The following AASS variants were observed in gnomAD, a reference collection of about 807,000 sequenced individuals.
The protein encoded by AASS is aminoadipate-semialdehyde synthase, also known as alpha-aminoadipic semialdehyde synthase, mitochondrial.
Under a neutral mutation model 105.4 loss-of-function variants are expected in AASS, and 86 were observed. The ratio of observed to expected loss-of-function variants is 0.82; its 90% CI spans 0.69 to 0.98. AASS has a LOEUF of 0.98. Among genes scored for constraint, AASS ranks in the 50% least tolerant of loss-of-function variants. The pLI, the probability that AASS is intolerant of heterozygous loss-of-function variation, is 0.00. For synonymous variants in AASS, 381 were observed against 394.8 expected, an observed-to-expected ratio of 0.96 and a Z score of 0.41; for missense variants, 1,048 against 1,143.2, an observed-to-expected ratio of 0.92 and a Z score of 1.20.
chr7:122,113,452 TG>T (rs1795024872), intron 10 of AASS, 145 bp downstream of exon 10: 9 of 1,081,248 alleles, frequency 8.3e-6, no homozygotes, highest in Non-Finnish European at 1.2e-5. Flanking sequence ...CAAATGTGCA[TG>T]TTTTTTTCCC....
In AASS at chr7:122,079,500, A is replaced by G. The variant is rs569260877; in HGVS notation, c.2396+97T>C. 1,956 of 1,132,532 alleles carry G rather than the reference A, an allele frequency of 1.7e-3. 7 individuals carry two copies. The highest frequency in any genetic ancestry group is 3.6e-3 in the South Asian group (276 of 76,570). 70.2% of individuals were successfully genotyped at this position (1,132,532 alleles called of 1,614,324 possible). On this transcript the variant is annotated intron_variant, in intron 21 of 23. Coordinates refer to ENST00000417368, the MANE Select transcript of AASS (RefSeq NM_005763.4). ...CTACCCACATTAGAGCAACGAATTA[A>G]TCAAAGACAAATGTAAAATATTTAA... is the stretch of plus-strand genomic sequence containing the variant.
intron 17 of AASS, among the ~76,000 whole-genome samples, chr7:122,092,352 T>C (rs1372295252): frequency 2.0e-5 from 3 of 152,170 alleles, no homozygotes; most frequent in Non-Finnish European, 4.4e-5. Context: ...TTCAAGGTAG[T>C]CTAAAATTTG....
intron 18 of AASS, among the ~76,000 whole-genome samples, chr7:122,087,529 T>G (rs1239004476): frequency 6.6e-6 from 1 of 152,162 alleles, no homozygotes; most frequent in Non-Finnish European, 1.5e-5. Flanking sequence ...TAAAACCAGT[T>G]TATTTAATAG....
chr7:122,108,815 T>C (rs1204927009), intron 11 of AASS, among the ~76,000 whole-genome samples: 3 of 147,144 alleles, frequency 2.0e-5, no homozygotes, highest in African/African-American at 7.4e-5. Context: ...TCAGTGTAAC[T>C]AGGCAAAAAA....
chr7:122,096,876 G>A (rs547957937), intron 15 of AASS, among the ~76,000 whole-genome samples: 45 of 151,974 alleles, frequency 3.0e-4, no homozygotes, highest in African/African-American at 8.7e-4. Context: ...ATTTTATCAT[G>A]TTATTTTACT....
chr7:122,103,457 C>T (rs1342077179), intron 11 of AASS, among the ~76,000 whole-genome samples: 2 of 151,906 alleles, frequency 1.3e-5, no homozygotes, highest in African/African-American at 2.4e-5. Flanking sequence ...ATAAGAAATG[C>T]TTAAGGGAGT....
chr7:122,085,985 T>C (rs1793605336), intron 19 of AASS, 27 bp downstream of exon 19: 1 of 1,612,860 alleles, frequency 6.2e-7, no homozygotes, highest in Non-Finnish European at 8.5e-7. Flanking sequence ...ACTGGCAACA[T>C]GTTGAATCTA....
intron 1 of AASS, among the ~76,000 whole-genome samples, chr7:122,140,959 C>G (rs1584910556): frequency 6.6e-6 from 1 of 151,860 alleles, no homozygotes; most frequent in African/African-American, 2.4e-5. Context: ...AGTATGGCAG[C>G]TCTATGGCTA....
Position 122,113,669 on chromosome 7 carries a change from A to C in AASS, c.1095T>G (p.Phe365Leu). ...GCTCTATTGTTGTACACTCAGTCATAAACTCTATAGACCCTCCTGTGTCAG... is the reference window on the plus strand; with the variant it reads ...GCTCTATTGTTGTACACTCAGTCATCAACTCTATAGACCCTCCTGTGTCAG... The part of the protein sequence containing the change: ...ISADTGGSIE[F>L]MTECTTIEHP... Residue 365 changes from phenylalanine to leucine, a missense_variant, in exon 10 of 24, where the codon TTT becomes TTG. By Grantham distance (22) the Phe-to-Leu change is conservative. Transcript: ENST00000417368. The C allele has an allele frequency of 6.2e-7, 1 of 1,613,642 alleles. No individual in the cohort carries two copies. The highest frequency in any genetic ancestry group is 8.5e-7 in the Non-Finnish European group (1 of 1,179,878).
At chr7:122,089,219 A>G (rs1253785185) in intron 18 of AASS, among the ~76,000 whole-genome samples, 1 of 152,116 alleles carries the variant, frequency 6.6e-6, no homozygotes, top group African/African-American at 2.4e-5. Context: ...ACAGACTGAT[A>G]CACTTGAATT....
rs1792963707 is a variant in AASS, at chr7:122,075,633, T to C, written c.*856A>G. 6.6e-6 allele frequency: 1 copy of C among 152,216 alleles called. No individual in the cohort carries two copies. The highest frequency in any genetic ancestry group is 1.5e-5 in the Non-Finnish European group (1 of 68,048). The allele number at this position is 152,216 out of a possible 1,614,324, so 9.4% of individuals were successfully genotyped here. On this transcript the variant is annotated 3_prime_UTR_variant, in exon 24 of 24. Transcript: ENST00000417368. ...CCTAGTTTGTTGAGGGTTTTTTATT[T>C]TTTATTTTTTATTGTGAAAGGGTGT... is the stretch of plus-strand genomic sequence containing the variant.
chr7:122,140,271 G>A (rs1796322854), intron 1 of AASS, among the ~76,000 whole-genome samples: 1 of 151,822 alleles, frequency 6.6e-6, no homozygotes. Flanking sequence ...GGATCACGAG[G>A]TCAGGAGGTC....
At chr7:122,132,753 G>T (rs959070267) in intron 2 of AASS, among the ~76,000 whole-genome samples, 2 of 152,114 alleles carry the variant, frequency 1.3e-5, no homozygotes, top group Non-Finnish European at 2.9e-5. Context: ...GATTATTCGT[G>T]CCCAGTAGCA....
intron 11 of AASS, among the ~76,000 whole-genome samples, chr7:122,102,668 G>A (rs1322608054): frequency 6.6e-6 from 1 of 152,068 alleles, no homozygotes; most frequent in East Asian, 1.9e-4. Context: ...GTTCTCCAAA[G>A]GACTGAAACC....
At chr7:122,134,400 C>T (rs555316855) in intron 1 of AASS, among the ~76,000 whole-genome samples, 4 of 152,290 alleles carry the variant, frequency 2.6e-5, no homozygotes, top group Middle Eastern at 3.4e-3. Flanking sequence ...CATGAAGTCT[C>T]ACTCTGTCAA....
intron 4 of AASS, among the ~76,000 whole-genome samples, chr7:122,125,621 G>C (rs1487908762): frequency 6.6e-6 from 1 of 152,188 alleles, no homozygotes; most frequent in African/African-American, 2.4e-5. Flanking sequence ...AAAGGTAGAG[G>C]AGAACAAAGG....
intron 15 of AASS, among the ~76,000 whole-genome samples, chr7:122,097,739 A>C (rs1794231326): frequency 6.6e-6 from 1 of 152,084 alleles, no homozygotes; most frequent in African/African-American, 2.4e-5. Flanking sequence ...TACTTATTCC[A>C]TTTAAGCTTT....
Position 122,079,629 on chromosome 7 carries a change from T to C in AASS, c.2364A>G (p.Gly788=), listed in dbSNP as rs1012750741. 1.9e-6 allele frequency: 3 copies of C among 1,613,856 alleles called. No homozygotes were observed. The highest frequency in any genetic ancestry group is 3.3e-5 in the Admixed American group (2 of 60,002). Residue 788 remains glycine (G), a synonymous_variant, in exon 21 of 24, where the codon GGA becomes GGG. Transcript: ENST00000417368. ...CAGCCTCCAACTGGGTATTGTCTCC[T>C]CCTAGTTTCTTAAGAACAGCTTCCT... ...VLKEAVLKKL[G]GDNTQLEAAE...
intron 1 of AASS, among the ~76,000 whole-genome samples, chr7:122,142,344 A>G (rs372468410): frequency 2.1e-4 from 32 of 151,954 alleles, no homozygotes; most frequent in African/African-American, 7.8e-4. Flanking sequence ...GAGCACAACC[A>G]CGCCGCTAAC....
Sources: gnomAD v4.1 joint callset for allele counts (sites outside exome capture counted in the v4.1 genomes callset) on GRCh38, gnomAD v4.1.1 for gene constraint, MANE v1.5 for transcripts, NCBI Gene and HGNC (gene_info 2026-07-23, HGNC 2026-07-21) for gene names.